The following DLG2 variants were observed in gnomAD, a reference collection of about 807,000 sequenced individuals.
DLG2 encodes discs large MAGUK scaffold protein 2.
A neutral mutation model predicts 132.5 loss-of-function variants in DLG2; 45 were observed. That is an observed-to-expected ratio of 0.34 (90% CI 0.27 to 0.44). The LOEUF (loss-of-function observed/expected upper bound fraction) is 0.44, where lower values mean the gene tolerates loss of function less well. DLG2 is among the 20% of genes least tolerant of loss of function. DLG2 has a pLI of 1.00. For synonymous variants in DLG2, 424 were observed against 419.6 expected (o/e 1.01, Z -0.13); for missense variants, 1,045 against 1,196.9 (o/e 0.87, Z 1.87).
intron 6 of DLG2, among the ~76,000 whole-genome samples, chr11:84,697,000 C>A (rs1595935754): frequency 1.3e-5 from 2 of 151,284 alleles, no homozygotes; most frequent in Admixed American, 1.3e-4. Flanking sequence ...GAACTAGGTA[C>A]CTCAGTAGAC....
At chr11:84,173,823 A>G (rs1337694548) in intron 8 of DLG2, among the ~76,000 whole-genome samples, 1 of 152,086 alleles carries the variant, frequency 6.6e-6, no homozygotes, top group Non-Finnish European at 1.5e-5. Context: ...ATTTGGCACT[A>G]GAGTGACCAC....
intron 6 of DLG2, among the ~76,000 whole-genome samples, chr11:84,551,588 G>A (rs569341843): frequency 2.0e-5 from 3 of 152,272 alleles, no homozygotes; most frequent in South Asian, 2.1e-4. Flanking sequence ...TTTAACAGAT[G>A]AGAAAATACA....
chr11:85,433,363 C>T lies in DLG2; in HGVS notation c.41-147998G>A, dbSNP rs1169694277. ...GGCTAAATGCCCCAGTTAAAAGACACAGACTGGCAAATTGGATAGAGTCAA... is the reference window on the plus strand; with the variant it reads ...GGCTAAATGCCCCAGTTAAAAGACATAGACTGGCAAATTGGATAGAGTCAA... On this transcript the variant is annotated intron_variant, in intron 3 of 27. Transcript: ENST00000376104. Among the ~76,000 whole-genome samples the T allele has an allele frequency of 4.6e-5, 7 of 152,256 alleles. 1 individual carries two copies. Among genetic ancestry groups the T allele is most frequent in the Middle Eastern group, 6.8e-3 (2 of 292 alleles).
chr11:84,779,815 G>C (rs75858197), intron 6 of DLG2, among the ~76,000 whole-genome samples: 4 of 151,706 alleles, frequency 2.6e-5, no homozygotes, highest in East Asian at 1.9e-4. Context: ...CAACCTCCCC[G>C]TATTGAGCCA....
intron 3 of DLG2, among the ~76,000 whole-genome samples, chr11:85,324,821 C>G (rs1038010763): frequency 6.6e-6 from 1 of 151,814 alleles, no homozygotes; most frequent in South Asian, 2.1e-4. Flanking sequence ...GCGTGAGCGA[C>G]GCAGAAGACG....
chr11:83,717,621 GTGTC>G (rs1430939710), intron 18 of DLG2, among the ~76,000 whole-genome samples: 2 of 152,202 alleles, frequency 1.3e-5, no homozygotes, highest in African/African-American at 4.8e-5. Context: ...GTTGATTACA[GTGTC>G]TGTCTGTAAA....
chr11:84,624,110 T>C (rs1427383440), intron 6 of DLG2, among the ~76,000 whole-genome samples: 1 of 152,216 alleles, frequency 6.6e-6, no homozygotes, highest in East Asian at 1.9e-4. Context: ...ATTCTTCAAC[T>C]TGAGTAAAGA....
intron 7 of DLG2, among the ~76,000 whole-genome samples, chr11:84,295,445 T>C (rs1341708770): frequency 3.9e-5 from 6 of 152,200 alleles, no homozygotes; most frequent in Admixed American, 3.9e-4. Context: ...TTCTTTCTTA[T>C]GCATGGCTAT....
At chr11:85,282,502 A>G (rs1486125312) in intron 4 of DLG2, among the ~76,000 whole-genome samples, 1 of 58,860 alleles carries the variant, frequency 1.7e-5, no homozygotes. Flanking sequence ...TATCCATAAT[A>G]ATTAAAAATA....
At chr11:85,444,390 G>A (rs2091916859) in intron 3 of DLG2, among the ~76,000 whole-genome samples, 1 of 151,846 alleles carries the variant, frequency 6.6e-6, no homozygotes, top group Non-Finnish European at 1.5e-5. Flanking sequence ...TGGCTAACAG[G>A]CAGTATGTAA....
rs1209361086 is a variant in DLG2 at position 84,951,662 on chromosome 11, A to T, written c.357+159999T>A. 2.7e-5 allele frequency among the ~76,000 whole-genome samples: 4 copies of T among 150,148 alleles called. No individual in the cohort carries two copies. The South Asian group carries it at 8.3e-4, about 31-fold the overall frequency. On this transcript the variant is annotated intron_variant, in intron 6 of 27. Transcript: ENST00000376104. ...ATATACACATATATATGCATTCTAT[A>T]TATATATACACACACATATATATGC...
chr11:85,397,361 C>T lies in DLG2; in HGVS notation c.41-111996G>A, dbSNP rs61907114. ...AAAGAGCATCAATGATATGAAGAAA[C>T]TGCATCAATTAACGGGCAAAATAAC... On this transcript the variant is annotated intron_variant, in intron 3 of 27. Coordinates refer to ENST00000376104, the MANE Select transcript of DLG2 (RefSeq NM_001142699.3). Among the ~76,000 whole-genome samples, 814 of 152,244 alleles carry T rather than the reference C, an allele frequency of 5.3e-3. 3 individuals are homozygous for T. The highest frequency in any genetic ancestry group is 8.2e-3 in the Non-Finnish European group (558 of 68,016).
intron 6 of DLG2, among the ~76,000 whole-genome samples, chr11:84,604,362 G>A (rs2099581833): frequency 6.6e-6 from 1 of 151,866 alleles, no homozygotes; most frequent in Non-Finnish European, 1.5e-5. Flanking sequence ...TCCTGGGGCA[G>A]TGGGGAGTAG....
intron 19 of DLG2, among the ~76,000 whole-genome samples, chr11:83,566,999 T>C (rs2096720191): frequency 6.6e-6 from 1 of 152,174 alleles, no homozygotes; most frequent in South Asian, 2.1e-4. Flanking sequence ...GAGCTATTTA[T>C]CCCATCTTGA....
intron 9 of DLG2, among the ~76,000 whole-genome samples, chr11:84,145,742 G>A (rs796339577): frequency 1.3e-4 from 20 of 152,264 alleles, no homozygotes; most frequent in South Asian, 8.3e-4. Flanking sequence ...TTTGTGAGGC[G>A]AGAGAAAGGA....
intron 6 of DLG2, among the ~76,000 whole-genome samples, chr11:84,736,930 C>T (rs752533011): frequency 5.7e-4 from 87 of 151,900 alleles, no homozygotes; most frequent in Non-Finnish European, 1.1e-3. Context: ...TATCCCTGTT[C>T]CTGATCTTAA....
At chr11:85,093,417 A>C (rs1353229436) in intron 6 of DLG2, among the ~76,000 whole-genome samples, 1 of 152,158 alleles carries the variant, frequency 6.6e-6, no homozygotes, top group Non-Finnish European at 1.5e-5. Context: ...CTCACACACT[A>C]ATCTCCTCTG....
intron 19 of DLG2, among the ~76,000 whole-genome samples, chr11:83,543,992 T>A (rs2096164719): frequency 1.3e-5 from 2 of 152,060 alleles, no homozygotes; most frequent in Non-Finnish European, 2.9e-5. Context: ...TTTCTGGGAG[T>A]CTGATATTCT....
intron 22 of DLG2, among the ~76,000 whole-genome samples, chr11:83,478,554 G>T (rs923355178): frequency 1.6e-4 from 24 of 152,048 alleles, no homozygotes; most frequent in African/African-American, 4.8e-4. Context: ...TGAAAGTCTT[G>T]GGCCAGTTTT....
Sources: allele counts gnomAD v4.1 joint callset (sites outside exome capture counted in the v4.1 genomes callset), GRCh38; gene constraint gnomAD v4.1.1; transcripts MANE v1.5; gene names NCBI Gene and HGNC (gene_info 2026-07-23, HGNC 2026-07-21).